Variants in CASZ1 observed in about 807,000 individuals in gnomAD.
CASZ1 encodes the protein castor zinc finger 1.
In CASZ1, 28 loss-of-function variants were observed where a neutral mutation model predicts 135.2. The observed-to-expected ratio is 0.21, with a 90% CI of 0.15 to 0.28. The LOEUF is 0.28. CASZ1 is among the 10% of genes least tolerant of loss of function. The probability of loss-of-function intolerance (pLI) is 1.00; values close to 1 mark genes in which losing one functional copy is unlikely to be tolerated. For missense variants in CASZ1, 2,161 were observed against 2,453.3 expected, an observed-to-expected ratio of 0.88 and a Z score of 2.52; for synonymous variants, 1,068 against 1,073.4, an observed-to-expected ratio of 0.99 and a Z score of 0.10.
intron 4 of CASZ1, among the ~76,000 whole-genome samples, chr1:10,686,876 T>TG (rs1274603086): frequency 2.0e-5 from 3 of 152,000 alleles, no homozygotes; most frequent in Non-Finnish European, 4.4e-5. Context: ...CCTAAAAGGA[T>TG]GGGGGGCAGA....
intron 4 of CASZ1, among the ~76,000 whole-genome samples, chr1:10,675,848 G>C (rs548168155): frequency 2.0e-5 from 3 of 150,332 alleles, no homozygotes; most frequent in Admixed American, 6.7e-5. Context: ...GGCCAGGTGG[G>C]TCCCCAGCGG....
Position 10,719,161 on chromosome 1 carries a change from G to A in CASZ1, c.-76-13617C>T, listed in dbSNP as rs746332353. Among the ~76,000 whole-genome samples, 9 of 152,076 alleles carry A rather than the reference G, an allele frequency of 5.9e-5. No homozygotes were observed. Among genetic ancestry groups the A allele is most frequent in the Non-Finnish European group, 1.2e-4 (8 of 68,012 alleles). On this transcript the variant is annotated intron_variant, in intron 2 of 20. Coordinates refer to ENST00000377022, the MANE Select transcript of CASZ1 (RefSeq NM_001079843.3). The surrounding 1 kb of genome is among the most constrained non-coding windows in gnomAD (Gnocchi z 4.0). ...TCGAACTCCTGACCTCAAGCAATCT[G>A]CCCGCTTCCGGCTCCCTAAGTGCTG...
At chr1:10,786,755 T>C (rs1288688133) in intron 1 of CASZ1, among the ~76,000 whole-genome samples, 7 of 152,186 alleles carry the variant, frequency 4.6e-5, no homozygotes, top group Non-Finnish European at 8.8e-5. Flanking sequence ...GCTCCTCAAA[T>C]GAACCTGTTG....
At chr1:10,765,097 C>A (rs887256553) in intron 1 of CASZ1, among the ~76,000 whole-genome samples, 62 of 152,164 alleles carry the variant, frequency 4.1e-4, no homozygotes, top group African/African-American at 1.5e-3. Context: ...ATCGGAACCT[C>A]CCCCCACAAT....
chr1:10,726,755 G>A lies in CASZ1; in HGVS notation c.-76-21211C>T, dbSNP rs970970139. On this transcript the variant is annotated intron_variant, in intron 2 of 20. Coordinates refer to ENST00000377022, the MANE Select transcript of CASZ1 (RefSeq NM_001079843.3). This position sits in a 1 kb window ranked among gnomAD's most constrained non-coding sequence, Gnocchi z 5.7. ...ATGAGGCCCAGCCAAGGCCGCTCTG[G>A]TCCCTGGGGGGTCCTTGCTGCAGCA... is the stretch of plus-strand genomic sequence containing the variant. Among the ~76,000 whole-genome samples the A allele has an allele frequency of 4.6e-5, 7 of 152,192 alleles. No homozygotes were observed. The highest frequency in any genetic ancestry group is 1.7e-4 in the African/African-American group (7 of 41,452).
chr1:10,652,578 A>G (rs951492648), intron 11 of CASZ1: 1 of 152,270 alleles, frequency 6.6e-6, no homozygotes, highest in Admixed American at 6.5e-5. Context: ...CCTCACCCCA[A>G]TCCAGAGAAA....
At position 10,663,735 on chromosome 1, in the gene CASZ1, T is replaced by C. The variant is rs142889727; in HGVS notation, c.505+1348A>G. Among the ~76,000 whole-genome samples the C allele has an allele frequency of 1.8e-4, 28 of 152,354 alleles. No homozygotes were observed. In the Middle Eastern group the frequency reaches 0.014, roughly 74 times the overall value. ...CCCACAGAGGCAGCCAAGGCTCCGC[T>C]GTCTGTGTCCTCCAGCGCTCAGCGC... On this transcript the variant is annotated intron_variant, in intron 5 of 20. Transcript: ENST00000377022.
chr1:10,648,486 T>TA (rs1642446300), intron 15 of CASZ1: 14 of 258,496 alleles, frequency 5.4e-5, no homozygotes, highest in Non-Finnish European at 8.9e-5. Flanking sequence ...ATTCTCAGTA[T>TA]TCACAGCAGG....
At chr1:10,655,921 AAGAACCCT>A in intron 8 of CASZ1, 108 bp from the exon 9 acceptor site, 2 of 1,150,562 alleles carry the variant, frequency 1.7e-6, no homozygotes. Context: ...TCTCCCTAGA[AAGAACCCT>A]GCTTGGGGTC....
intron 1 of CASZ1, among the ~76,000 whole-genome samples, chr1:10,795,920 TC>T (rs1369095741): frequency 6.6e-6 from 1 of 151,982 alleles, no homozygotes. Context: ...ACACCCGGTA[TC>T]CGGGCACAAG....
Position 10,755,156 on chromosome 1 carries a change from G to A in CASZ1, c.-77+5545C>T, listed in dbSNP as rs773414659. Among the ~76,000 whole-genome samples, 7 of 152,220 alleles carry A rather than the reference G, an allele frequency of 4.6e-5. No individual in the cohort carries two copies. Among genetic ancestry groups the A allele is most frequent in the East Asian group, 3.8e-4 (2 of 5,198 alleles). ...GAACGTGGCAGCATCCAGGGGTCCC[G>A]CGGAAGGTGGGCAGCAAGGGGATCA... On this transcript the variant is annotated intron_variant, in intron 2 of 20. Transcript: ENST00000377022. This position sits in a 1 kb window ranked among gnomAD's most constrained non-coding sequence, Gnocchi z 4.3.
intron 20 of CASZ1, among the ~76,000 whole-genome samples, chr1:10,641,045 G>A (rs990269386): frequency 6.6e-6 from 1 of 152,222 alleles, no homozygotes; most frequent in African/African-American, 2.4e-5. Flanking sequence ...CCTCCCACAC[G>A]GCTGACCTGC....
intron 2 of CASZ1, among the ~76,000 whole-genome samples, chr1:10,743,184 A>T (rs1036176614): frequency 2.6e-5 from 4 of 151,290 alleles, no homozygotes; most frequent in Non-Finnish European, 4.4e-5. Flanking sequence ...AGGCTGGGGG[A>T]CAGGAGGAGT....
rs372911816 is a variant in CASZ1 at position 10,771,882 on chromosome 1, G to A, written c.-233-11025C>T. ...TGGTGAGGATGCTGACTGAGGACCC[G>A]GCATGAAGTTGGCTGCTGCAGCCCC... On this transcript the variant is annotated intron_variant, in intron 1 of 20. Transcript: ENST00000377022. 5.3e-4 allele frequency among the ~76,000 whole-genome samples: 80 copies of A among 152,320 alleles called. No individual in the cohort carries two copies. In the East Asian group the frequency reaches 7.2e-3, roughly 14 times the overall value.
intron 12 of CASZ1, 25 bp downstream of exon 12, chr1:10,650,916 G>A: frequency 6.2e-7 from 1 of 1,606,984 alleles, no homozygotes; most frequent in Admixed American, 1.7e-5. Context: ...CCCGGGGCTG[G>A]CTCCCATAGG....
At chr1:10,695,202 C>T (rs1388781957) in intron 3 of CASZ1, among the ~76,000 whole-genome samples, 1 of 151,254 alleles carries the variant, frequency 6.6e-6, no homozygotes, top group Non-Finnish European at 1.5e-5. Context: ...CGCAGTCAGG[C>T]CCGCGCGCCC....
chr1:10,793,113 A>G (rs1640993624), intron 1 of CASZ1, among the ~76,000 whole-genome samples: 1 of 152,198 alleles, frequency 6.6e-6, no homozygotes, highest in Admixed American at 6.5e-5. Flanking sequence ...TTAAAAAATT[A>G]TTTAAACATA....
At chr1:10,670,969 G>T (rs1037898622) in intron 4 of CASZ1, among the ~76,000 whole-genome samples, 3 of 152,222 alleles carry the variant, frequency 2.0e-5, no homozygotes, top group Non-Finnish European at 4.4e-5. Context: ...TGCTCCCTAG[G>T]GGTTCAGCCA....
At chr1:10,654,350 C>T in intron 10 of CASZ1, 69 bp downstream of exon 10, 4 of 1,585,722 alleles carry the variant, frequency 2.5e-6, no homozygotes, top group Non-Finnish European at 3.4e-6. Context: ...TGAGCCGTCC[C>T]ACGAGCCTGG....
Sources: gnomAD v4.1 joint callset for allele counts (sites outside exome capture counted in the v4.1 genomes callset) on GRCh38, gnomAD v4.1.1 for gene constraint, Gnocchi (gnomAD v3.1) non-coding constraint, MANE v1.5 for transcripts, NCBI Gene and HGNC (gene_info 2026-07-23, HGNC 2026-07-21) for gene names.